DAB1: variants seen among roughly 807,000 people sequenced by gnomAD.
The protein encoded by DAB1 is disabled homolog 1.
Under a neutral mutation model 64.6 loss-of-function variants are expected in DAB1, and 15 were observed. The ratio of observed to expected loss-of-function variants is 0.23; its 90% CI spans 0.16 to 0.36. The LOEUF (loss-of-function observed/expected upper bound fraction) is 0.36. Among genes scored for constraint, DAB1 ranks in the 10% least tolerant of loss-of-function variants. DAB1 has a pLI of 1.00. For missense variants in DAB1, 596 were observed against 706.7 expected, an observed-to-expected ratio of 0.84 and a Z score of 1.78; for synonymous variants, 235 against 251.9, an observed-to-expected ratio of 0.93 and a Z score of 0.64.
At chr1:58,092,409 A>G (rs1199169463) in intron 5 of DAB1, among the ~76,000 whole-genome samples, 3 of 151,964 alleles carry the variant, frequency 2.0e-5, no homozygotes, top group Non-Finnish European at 4.4e-5. Flanking sequence ...TCTCCTCTTC[A>G]GCTGATCCCC....
At chr1:57,639,970 G>C (rs1055078200) in intron 7 of DAB1, among the ~76,000 whole-genome samples, 8 of 152,180 alleles carry the variant, frequency 5.3e-5, no homozygotes, top group African/African-American at 1.9e-4. Context: ...TCAGGCTTTA[G>C]AGGCATGGGC....
intron 4 of DAB1, among the ~76,000 whole-genome samples, chr1:58,199,751 T>C (rs1557692873): frequency 1.3e-5 from 2 of 152,232 alleles, no homozygotes; most frequent in African/African-American, 2.4e-5. Context: ...TACGGTAGAT[T>C]GATTGCTACA....
chr1:58,468,990 T>C (rs894171050), intron 3 of DAB1: 15 of 244,190 alleles, frequency 6.1e-5, no homozygotes, highest in African/African-American at 3.2e-4. Flanking sequence ...CCTTCTTTCA[T>C]TTATTCATCC....
intron 2 of DAB1, among the ~76,000 whole-genome samples, chr1:57,282,203 A>AC (rs1558084944): frequency 4.2e-5 from 2 of 48,018 alleles, no homozygotes; most frequent in Admixed American, 3.7e-4. Context: ...AAAAAAAAAA[A>AC]AAAAAAAAAC....
chr1:57,391,766 AACACACACACACACACAC>A (rs57332880), intron 1 of DAB1, among the ~76,000 whole-genome samples: 35 of 94,650 alleles, frequency 3.7e-4, no homozygotes, highest in East Asian at 3.5e-3. Flanking sequence ...CAGAGGAATA[AACACACACACACACACAC>A]ACACACACAC....
intron 6 of DAB1, among the ~76,000 whole-genome samples, chr1:57,706,675 C>G (rs1646970174): frequency 1.3e-5 from 2 of 152,078 alleles, no homozygotes; most frequent in Non-Finnish European, 1.5e-5. Context: ...CCCAATTTCC[C>G]CCAATGGTTA....
At chr1:57,274,702 T>C (rs1558069819) in intron 2 of DAB1, among the ~76,000 whole-genome samples, 1 of 152,124 alleles carries the variant, frequency 6.6e-6, no homozygotes, top group East Asian at 1.9e-4. Flanking sequence ...TGCCTCAGCA[T>C]CCCAAGTAGC....
At chr1:57,699,251 T>C (rs1480173093) in intron 6 of DAB1, among the ~76,000 whole-genome samples, 1 of 152,214 alleles carries the variant, frequency 6.6e-6, no homozygotes, top group African/African-American at 2.4e-5. Context: ...CTATATATAA[T>C]AGTAACTTTT....
chr1:57,881,193 T>A (rs1248815923), intron 1 of DAB1, among the ~76,000 whole-genome samples: 1 of 152,178 alleles, frequency 6.6e-6, no homozygotes, highest in Non-Finnish European at 1.5e-5. Flanking sequence ...GTTAGAGTAA[T>A]CAAAAGCCCC....
intron 4 of DAB1, among the ~76,000 whole-genome samples, chr1:58,199,205 C>A (rs976064895): frequency 6.6e-6 from 1 of 152,106 alleles, no homozygotes; most frequent in African/African-American, 2.4e-5. Context: ...ACAGGTGAGC[C>A]AAGAATGTGA....
At chr1:57,469,408 GA>G (rs976174305) in intron 7 of DAB1, among the ~76,000 whole-genome samples, 1 of 152,088 alleles carries the variant, frequency 6.6e-6, no homozygotes, top group Non-Finnish European at 1.5e-5. Flanking sequence ...AGAAAAAGGA[GA>G]AAAAAGTTGG....
intron 1 of DAB1, among the ~76,000 whole-genome samples, chr1:57,359,121 A>T (rs1679351858): frequency 6.6e-6 from 1 of 152,088 alleles, no homozygotes; most frequent in African/African-American, 2.4e-5. Flanking sequence ...AAGCTGCTGC[A>T]CAGCAAACAA....
chr1:57,363,079 G>C (rs186028353), intron 1 of DAB1, among the ~76,000 whole-genome samples: 1 of 152,060 alleles, frequency 6.6e-6, no homozygotes, highest in African/African-American at 2.4e-5. Context: ...CAAAATATTT[G>C]GTCAGATCAC....
chr1:57,167,577 C>T (rs1034075433), intron 2 of DAB1, among the ~76,000 whole-genome samples: 5 of 152,170 alleles, frequency 3.3e-5, no homozygotes, highest in African/African-American at 1.2e-4. Context: ...CAGCTCCTTT[C>T]CTGAGCTCTA....
rs953631738 is a variant in DAB1 at position 58,527,206 on chromosome 1, T to C, written n.107+55A>G. 4.7e-6 allele frequency: 4 copies of C among 843,838 alleles called. No individual in the cohort carries two copies. In the African/African-American group the frequency reaches 5.0e-5, roughly 10 times the overall value. The allele number at this position is 843,838 out of a possible 1,614,324, so 52.3% of individuals were successfully genotyped here. A position where few individuals can be genotyped will look rare whatever the true frequency, so the allele number is the denominator to read the frequency against. On this transcript the variant is annotated intron_variant and non_coding_transcript_variant, in intron 2 of 20. Coordinates refer to the DAB1 transcript ENST00000485760. ...CCAAGCCTCATTAAAATAACACACG[T>C]TTATCTTTCAGCCTGGGAAGGGCAT... is the stretch of plus-strand genomic sequence containing the variant.
intron 5 of DAB1, among the ~76,000 whole-genome samples, chr1:57,995,354 T>C (rs776973741): frequency 6.6e-6 from 1 of 152,192 alleles, no homozygotes; most frequent in Non-Finnish European, 1.5e-5. Context: ...TCCCAAAGTC[T>C]ACCTATTGTG....
chr1:58,433,022 C>A (rs572541165), intron 3 of DAB1, among the ~76,000 whole-genome samples: 6 of 152,224 alleles, frequency 3.9e-5, no homozygotes, highest in Non-Finnish European at 8.8e-5. Flanking sequence ...TACCCGGAGG[C>A]GAGTGCCTGT....
At chr1:57,940,766 C>T (rs996406866) in intron 5 of DAB1, among the ~76,000 whole-genome samples, 4 of 152,196 alleles carry the variant, frequency 2.6e-5, no homozygotes, top group African/African-American at 7.2e-5. Flanking sequence ...AGGATGGAAT[C>T]CCTGCAATGC....
intron 2 of DAB1, among the ~76,000 whole-genome samples, chr1:57,209,419 C>A (rs155285): frequency 6.6e-6 from 1 of 151,982 alleles, no homozygotes; most frequent in Non-Finnish European, 1.5e-5. Context: ...TGCAAACTGG[C>A]TATTTGCAGG....
Sources: allele counts gnomAD v4.1 joint callset (sites outside exome capture counted in the v4.1 genomes callset), GRCh38; gene constraint gnomAD v4.1.1; transcripts MANE v1.5; gene names NCBI Gene and HGNC (gene_info 2026-07-23, HGNC 2026-07-21).